The following THSD4 variants were observed in gnomAD, a reference collection of about 807,000 sequenced individuals.
THSD4 encodes thrombospondin type-1 domain-containing protein 4.
Under a neutral mutation model 119.0 loss-of-function variants are expected in THSD4, and 69 were observed. The ratio of observed to expected loss-of-function variants is 0.58; its 90% CI spans 0.48 to 0.71. The LOEUF (loss-of-function observed/expected upper bound fraction) is 0.71, where lower values mean the gene tolerates loss of function less well. Ranked by LOEUF, THSD4 falls within the 30% of genes least tolerant of loss-of-function variation. The pLI, the probability that THSD4 is intolerant of heterozygous loss-of-function variation, is 0.00. For synonymous variants in THSD4, 524 were observed against 540.4 expected, an observed-to-expected ratio of 0.97 and a Z score of 0.42; for missense variants, 1,393 against 1,391.1, an observed-to-expected ratio of 1.00 and a Z score of -0.02.
At chr15:71,428,508 A>G (rs1288927996) in intron 7 of THSD4, among the ~76,000 whole-genome samples, 1 of 152,192 alleles carries the variant, frequency 6.6e-6, no homozygotes, top group Non-Finnish European at 1.5e-5. Context: ...TGGACATCTG[A>G]GTGAAGATGT....
chr15:71,660,424 C>T (rs1439936070), intron 7 of THSD4, 106 bp from the exon 8 acceptor site: 31 of 1,380,400 alleles, frequency 2.2e-5, no homozygotes, highest in Non-Finnish European at 2.8e-5. Context: ...ATATACATTT[C>T]GTAAATAGCT....
At position 71,215,116 on chromosome 15, in the gene THSD4, C is replaced by T. The variant is rs1185773247; in HGVS notation, c.181C>T (p.Pro61Ser). ...CCCGGGAGTGTGGGGCGCCTGGGGC[C>T]CCTGGTCGGCCTGCTCGCGTAGCTG... The part of the protein sequence containing the change: ...GAPGVWGAWG[P>S]WSACSRSCSG... The change falls in exon 4 of 18, where the codon CCC becomes TCC. Residue 61 changes from proline (P) to serine (S), a missense_variant. Coordinates refer to ENST00000261862, the MANE Select transcript of THSD4 (RefSeq NM_024817.3). The T allele has an allele frequency of 7.4e-7, 1 of 1,351,892 alleles. No individual in the cohort carries two copies. The highest frequency in any genetic ancestry group is 9.5e-7 in the Non-Finnish European group (1 of 1,048,046). 83.7% of individuals were successfully genotyped at this position (1,351,892 alleles called of 1,614,324 possible). A position where few individuals can be genotyped will look rare whatever the true frequency, so the allele number is the denominator to read the frequency against.
intron 8 of THSD4, among the ~76,000 whole-genome samples, chr15:71,707,820 T>C (rs2052422822): frequency 6.6e-6 from 1 of 152,178 alleles, no homozygotes; most frequent in Admixed American, 6.5e-5. Context: ...ACATTTTGCT[T>C]GGAGAAAGCA....
chr15:71,561,919 C>CACACACAA, intron 7 of THSD4, among the ~76,000 whole-genome samples: 1 of 30,870 alleles, frequency 3.2e-5, no homozygotes, highest in South Asian at 1.0e-3. Context: ...CACACACACA[C>CACACACAA]AAACACTCAC....
chr15:71,525,173 T>C (rs1238312363), intron 7 of THSD4, among the ~76,000 whole-genome samples: 1 of 152,156 alleles, frequency 6.6e-6, no homozygotes, highest in East Asian at 1.9e-4. Context: ...GTGTTCTACA[T>C]GTAATGTCTC....
chr15:71,236,052 G>A (rs528183321), intron 4 of THSD4, among the ~76,000 whole-genome samples: 3 of 152,274 alleles, frequency 2.0e-5, no homozygotes, highest in South Asian at 2.1e-4. Flanking sequence ...CTGGTTCCTC[G>A]AGGGCAGTCC....
intron 7 of THSD4, among the ~76,000 whole-genome samples, chr15:71,638,118 A>T (rs1335964904): frequency 1.3e-5 from 2 of 152,192 alleles, no homozygotes; most frequent in African/African-American, 4.8e-5. Flanking sequence ...TTTTTGTTTT[A>T]AAAAGTGCAG....
At chr15:71,458,286 GATTCATACATCT>G (rs1197420879) in intron 7 of THSD4, among the ~76,000 whole-genome samples, 6 of 152,166 alleles carry the variant, frequency 3.9e-5, no homozygotes, top group African/African-American at 1.4e-4. Flanking sequence ...GTGGAAATAT[GATTCATACATCT>G]ATTGTTACAC....
chr15:71,471,450 A>G (rs2047578693), intron 7 of THSD4, among the ~76,000 whole-genome samples: 1 of 151,918 alleles, frequency 6.6e-6, no homozygotes, highest in African/African-American at 2.4e-5. Flanking sequence ...GCCAGCCCTG[A>G]GGTGTCATGC....
At chr15:71,414,392 T>C (rs930646417) in intron 7 of THSD4, among the ~76,000 whole-genome samples, 1 of 152,248 alleles carries the variant, frequency 6.6e-6, no homozygotes, top group African/African-American at 2.4e-5. Context: ...CACGCTATAG[T>C]GTGAAACACT....
chr15:71,466,712 T>G (rs1261153244), intron 7 of THSD4, among the ~76,000 whole-genome samples: 3 of 152,194 alleles, frequency 2.0e-5, no homozygotes, highest in African/African-American at 7.2e-5. Context: ...TCTCATCCGA[T>G]TTCTGAATTG....
chr15:71,616,944 A>G (rs1349762369), intron 7 of THSD4, among the ~76,000 whole-genome samples: 1 of 152,276 alleles, frequency 6.6e-6, no homozygotes, highest in Non-Finnish European at 1.5e-5. Flanking sequence ...AACTGCTCAC[A>G]GTAACCCATG....
At chr15:71,220,710 A>G (rs922772862) in intron 4 of THSD4, among the ~76,000 whole-genome samples, 4 of 152,316 alleles carry the variant, frequency 2.6e-5, no homozygotes, top group African/African-American at 7.2e-5. Flanking sequence ...ACTCAAGTGC[A>G]GCAGAAGGGA....
intron 15 of THSD4, among the ~76,000 whole-genome samples, chr15:71,758,834 G>T (rs2625535): frequency 0.029 from 4,365 of 152,074 alleles, 205 homozygotes; most frequent in African/African-American, 0.1. Flanking sequence ...ACTGACCTTG[G>T]AAAAAAATGC....
intron 7 of THSD4, among the ~76,000 whole-genome samples, chr15:71,482,198 C>A (rs542546935): frequency 6.6e-6 from 1 of 152,244 alleles, no homozygotes; most frequent in Non-Finnish European, 1.5e-5. Context: ...GGTATCATCT[C>A]TACTGATTCT....
At chr15:71,205,697 C>T (rs1338825749) in intron 3 of THSD4, among the ~76,000 whole-genome samples, 2 of 152,174 alleles carry the variant, frequency 1.3e-5, no homozygotes, top group Admixed American at 6.5e-5. Flanking sequence ...ACTGATACTG[C>T]AGCTGCTGGC....
chr15:71,510,595 C>G (rs1277289849), intron 7 of THSD4, among the ~76,000 whole-genome samples: 3 of 152,140 alleles, frequency 2.0e-5, no homozygotes, highest in Non-Finnish European at 4.4e-5. Flanking sequence ...TGGGAGCAAA[C>G]AGCAGGGAGA....
intron 8 of THSD4, among the ~76,000 whole-genome samples, chr15:71,676,758 CATA>C (rs1265383001): frequency 3.9e-5 from 6 of 152,154 alleles, no homozygotes; most frequent in Non-Finnish European, 7.4e-5. Flanking sequence ...TTTCACTTAG[CATA>C]ATGTTTTCAA....
At chr15:71,303,953 C>T (rs1430068397) in intron 6 of THSD4, among the ~76,000 whole-genome samples, 3 of 152,182 alleles carry the variant, frequency 2.0e-5, no homozygotes, top group Non-Finnish European at 2.9e-5. Flanking sequence ...GGTTGCTTTT[C>T]TCTGGTCCAC....
Sources: gnomAD v4.1 joint callset for allele counts (sites outside exome capture counted in the v4.1 genomes callset) on GRCh38, gnomAD v4.1.1 for gene constraint, MANE v1.5 for transcripts, NCBI Gene and HGNC (gene_info 2026-07-23, HGNC 2026-07-21) for gene names.